The following CMYA5 variants were observed in gnomAD, a reference collection of about 807,000 sequenced individuals.
CMYA5 encodes the protein cardiomyopathy associated 5, also known as cardiomyopathy-associated protein 5.
CMYA5 carries 246 observed loss-of-function variants against 318.9 expected under a neutral mutation model. The ratio of observed to expected loss-of-function variants is 0.77; its 90% confidence interval spans 0.70 to 0.86. The LOEUF is 0.86. CMYA5 is among the 40% of genes least tolerant of loss of function. The pLI, the probability that CMYA5 is intolerant of heterozygous loss-of-function variation, is 0.00. For synonymous variants in CMYA5, 1,641 were observed against 1,729.5 expected (o/e 0.95, Z 1.27); for missense variants, 4,589 against 4,678.2 (o/e 0.98, Z 0.56).
At chr5:79,760,764 T>A (rs530151828) in intron 7 of CMYA5, among the ~76,000 whole-genome samples, 1 of 152,204 alleles carries the variant, frequency 6.6e-6, no homozygotes, top group Non-Finnish European at 1.5e-5. Context: ...AACCATATCA[T>A]AGGACCTTGC....
In CMYA5 at chr5:79,737,370, T is replaced by G; in HGVS notation, c.8605T>G (p.Ser2869Ala). ...SDVPKQSVLV[S>A]KHHLEAAEDT... is the part of the protein sequence containing the mutation. ...TGTGCCTAAACAATCTGTTCTTGTT[T>G]CAAAGCACCACTTGGAGGCTGCGGA... The change falls in exon 2 of 13, where the codon TCA (serine) becomes GCA (alanine). Residue 2869 changes from serine to alanine, a missense_variant. Ser to Ala is a moderately conservative substitution (Grantham distance 99). Coordinates refer to ENST00000446378, the MANE Select transcript of CMYA5 (RefSeq NM_153610.5). 6.2e-7 allele frequency: 1 copy of G among 1,613,850 alleles called. No individual in the cohort carries two copies. Among genetic ancestry groups the G allele is most frequent in the Non-Finnish European group, 8.5e-7 (1 of 1,179,814 alleles).
At chr5:79,712,289 C>T (rs1259989478) in intron 1 of CMYA5, among the ~76,000 whole-genome samples, 1 of 152,158 alleles carries the variant, frequency 6.6e-6, no homozygotes, top group Non-Finnish European at 1.5e-5. Context: ...TCTCGGCTCA[C>T]CGCAACCTTA....
rs778503180 is a variant in CMYA5 at position 79,728,942 on chromosome 5, G to T, written c.177G>T (p.Lys59Asn). The T allele has an allele frequency of 8.1e-6, 13 of 1,598,440 alleles. No individual in the cohort carries two copies. Among genetic ancestry groups the T allele is most frequent in the South Asian group, 5.7e-5 (5 of 87,788 alleles). ...SRLSDQDEEG[K>N]IKQEYIISDP... is the part of the protein sequence containing the mutation. ...TATCAGACCAGGATGAAGAGGGAAA[G>T]ATCAAGCAGGAGTATATCATATCTG... Residue 59 changes from lysine to asparagine, a missense_variant, in exon 2 of 13, where the codon AAG (lysine) becomes AAT (asparagine). Physicochemically the swap from Lys to Asn is moderately conservative, Grantham distance 94. Transcript: ENST00000446378.
At chr5:79,764,539 C>T (rs909622625) in intron 9 of CMYA5, among the ~76,000 whole-genome samples, 6 of 152,164 alleles carry the variant, frequency 3.9e-5, no homozygotes, top group Admixed American at 3.9e-4. Flanking sequence ...AATGGTATTT[C>T]TGGTTCTAGA....
At chr5:79,758,712 A>G (rs1440704887) in intron 6 of CMYA5, 41 bp from the exon 7 acceptor site, 1 of 1,510,484 alleles carries the variant, frequency 6.6e-7, no homozygotes, top group South Asian at 1.4e-5. Flanking sequence ...AAAAATTAAT[A>G]AAAACAGCAT....
At chr5:79,778,099 G>A (rs1828974182) in intron 9 of CMYA5, 1 of 152,090 alleles carries the variant, frequency 6.6e-6, no homozygotes, top group Admixed American at 6.5e-5. Context: ...TCCAGCCTGG[G>A]TGACAGAGTA....
chr5:79,728,460 A>G (rs1352364260), intron 1 of CMYA5, among the ~76,000 whole-genome samples: 1 of 152,020 alleles, frequency 6.6e-6, no homozygotes, highest in Admixed American at 6.6e-5. Context: ...GGTACCTGTG[A>G]TACCAGCTGA....
chr5:79,735,819 G>A lies in CMYA5; in HGVS notation c.7054G>A (p.Ala2352Thr), dbSNP rs187392728. 1.9e-5 allele frequency: 29 copies of A among 1,549,554 alleles called. No individual in the cohort carries two copies. Among genetic ancestry groups the A allele is most frequent in the Non-Finnish European group, 2.2e-5 (26 of 1,156,598 alleles). Residue 2352 changes from alanine (A) to threonine (T), a missense_variant, in exon 2 of 13, where the codon GCT becomes ACT. Transcript: ENST00000446378. Reference sequence around the variant, plus strand: ...TAAAAGAGTCCAGAAGCCAGCAATCGCTCCTCCATCTAAATGGAATATTTC... The same window carrying A: ...TAAAAGAGTCCAGAAGCCAGCAATCACTCCTCCATCTAAATGGAATATTTC... ...DSKRVQKPAI[A>T]PPSKWNISIF...
chr5:79,724,446 C>T (rs192418474), intron 1 of CMYA5, among the ~76,000 whole-genome samples: 35 of 152,298 alleles, frequency 2.3e-4, no homozygotes, highest in African/African-American at 8.4e-4. Context: ...AAAGGGGAGC[C>T]TTTGACATCT....
chr5:79,713,477 T>C (rs923222398), intron 1 of CMYA5, among the ~76,000 whole-genome samples: 1 of 152,038 alleles, frequency 6.6e-6, no homozygotes, highest in Non-Finnish European at 1.5e-5. Flanking sequence ...ATTTTGGTTC[T>C]CTGGACCTGG....
In CMYA5 at chr5:79,701,880, C is replaced by A. The variant is rs954765643; in HGVS notation, c.149+11824C>A. The stretch of plus-strand genomic sequence containing the variant: ...TGGTGGCTCACACCTGTAATCCCAG[C>A]ACTTTGGGAGGCCGAGGCGGGTGGA... On this transcript the variant is annotated intron_variant, in intron 1 of 12. Transcript: ENST00000446378. Among the ~76,000 whole-genome samples, 3 of 152,120 alleles carry A rather than the reference C, an allele frequency of 2.0e-5. No homozygotes were observed. In the East Asian group the frequency reaches 5.8e-4, roughly 29 times the overall value.
At chr5:79,764,452 T>C (rs1006187557) in intron 9 of CMYA5, among the ~76,000 whole-genome samples, 2 of 152,212 alleles carry the variant, frequency 1.3e-5, no homozygotes, top group Non-Finnish European at 2.9e-5. Context: ...GCAATAAACA[T>C]ACGTGTGCAT....
At position 79,735,671 on chromosome 5, in the gene CMYA5, C is replaced by T. The variant is rs1192626419; in HGVS notation, c.6906C>T (p.Asn2302=). 2.5e-6 allele frequency: 4 copies of T among 1,612,436 alleles called. No homozygotes were observed. In the South Asian group the frequency reaches 3.3e-5, roughly 13 times the overall value. ...TCTCAGGCGATTCAGAGGAAATGAA[C>T]ATAAACTCAGTAGTTACTTCTGCTG... ...KEISGDSEEM[N]INSVVTSADG... The change falls in exon 2 of 13, where the codon AAC becomes AAT. Residue 2302 remains asparagine (N), a synonymous_variant. Transcript: ENST00000446378.
At chr5:79,764,962 T>C (rs937263470) in intron 9 of CMYA5, among the ~76,000 whole-genome samples, 5 of 152,238 alleles carry the variant, frequency 3.3e-5, no homozygotes, top group Non-Finnish European at 7.3e-5. Flanking sequence ...GATGATAGTT[T>C]CTTTTGCTGT....
rs529342359 is a variant in CMYA5, at chr5:79,731,392, C to T, written c.2627C>T (p.Pro876Leu). The T allele has an allele frequency of 1.2e-6, 2 of 1,613,744 alleles. No individual in the cohort carries two copies. Among genetic ancestry groups the T allele is most frequent in the Non-Finnish European group, 1.7e-6 (2 of 1,179,844 alleles). Residue 876 changes from proline to leucine, a missense_variant, in exon 2 of 13, where the codon CCA becomes CTA. Pro to Leu is a moderately conservative substitution (Grantham distance 98). Transcript: ENST00000446378. ...ECQAPPLSAT[P>L]SEYVVLSDEE... is the part of the protein sequence containing the mutation. ...CAGGCCCCACCACTTTCAGCCACCC[C>T]ATCTGAATATGTTGTTCTATCAGAC...
intron 5 of CMYA5, among the ~76,000 whole-genome samples, chr5:79,749,671 A>C (rs1351487044): frequency 6.6e-6 from 1 of 152,202 alleles, no homozygotes; most frequent in East Asian, 1.9e-4. Context: ...ATCTATTATA[A>C]AAATTAAGAA....
At chr5:79,748,821 A>AT (rs1168340969) in intron 5 of CMYA5, among the ~76,000 whole-genome samples, 3 of 152,166 alleles carry the variant, frequency 2.0e-5, no homozygotes, top group Admixed American at 2.0e-4. Context: ...TAAACAAATT[A>AT]TTTTTTCTAA....
chr5:79,699,589 G>C (rs956764750), intron 1 of CMYA5, among the ~76,000 whole-genome samples: 1 of 152,168 alleles, frequency 6.6e-6, no homozygotes, highest in Non-Finnish European at 1.5e-5. Flanking sequence ...CCTAGAAGAG[G>C]AGAGGGCATC....
In CMYA5 at chr5:79,737,902, T is replaced by C. The variant is rs892471094; in HGVS notation, c.9137T>C (p.Ile3046Thr). ...GATTTATCATTTATTCAGCCCACAATTCCCAGTGAAGAGGATTATTTTGAA... is the reference window on the plus strand; with the variant it reads ...GATTTATCATTTATTCAGCCCACAACTCCCAGTGAAGAGGATTATTTTGAA... ...ETDLSFIQPT[I>T]PSEEDYFEKY... Residue 3046 changes from isoleucine to threonine, a missense_variant, in exon 2 of 13, where the codon ATT becomes ACT. Ile to Thr is a moderately conservative substitution (Grantham distance 89). Transcript: ENST00000446378. 3 of 1,605,212 alleles carry C rather than the reference T, an allele frequency of 1.9e-6. No individual in the cohort carries two copies. In the African/African-American group the frequency reaches 4.0e-5, roughly 22 times the overall value.
Sources: gnomAD v4.1 joint callset for allele counts (sites outside exome capture counted in the v4.1 genomes callset) on GRCh38, gnomAD v4.1.1 for gene constraint, MANE v1.5 for transcripts, NCBI Gene and HGNC (gene_info 2026-07-23, HGNC 2026-07-21) for gene names.